Variants in JARID2 observed in about 807,000 individuals in gnomAD.
JARID2 encodes the protein jumonji and AT-rich interaction domain containing 2.
Under a neutral mutation model 125.6 loss-of-function variants are expected in JARID2, and 21 were observed. The ratio of observed to expected loss-of-function variants is 0.17; its 90% confidence interval spans 0.12 to 0.24. The LOEUF is 0.24. JARID2 is among the 10% of genes least tolerant of loss of function. The pLI is 1.00. For missense variants in JARID2, 1,303 were observed against 1,639.6 expected, an observed-to-expected ratio of 0.79 and a Z score of 3.55; for synonymous variants, 736 against 661.6, an observed-to-expected ratio of 1.11 and a Z score of -1.73.
chr6:15,349,997 A>T (rs1763370798), intron 1 of JARID2, among the ~76,000 whole-genome samples: 1 of 152,106 alleles, frequency 6.6e-6, no homozygotes, highest in African/African-American at 2.4e-5. Flanking sequence ...TGGTTAGATG[A>T]GGAAAGTTAA....
intron 1 of JARID2, among the ~76,000 whole-genome samples, chr6:15,250,421 T>C (rs960222288): frequency 6.6e-6 from 1 of 152,196 alleles, no homozygotes; most frequent in Non-Finnish European, 1.5e-5. Context: ...TTTATTGCTG[T>C]ATTTTTTCTT....
intron 1 of JARID2, among the ~76,000 whole-genome samples, chr6:15,310,086 C>T (rs1761964502): frequency 6.6e-6 from 1 of 152,108 alleles, no homozygotes; most frequent in South Asian, 2.1e-4. Flanking sequence ...GGGAGGCTTT[C>T]CCAGGTTGGC....
intron 3 of JARID2, among the ~76,000 whole-genome samples, chr6:15,421,152 T>G (rs984543098): frequency 4.5e-4 from 69 of 152,202 alleles, no homozygotes; most frequent in Admixed American, 3.2e-3. Context: ...GCCTGGACAT[T>G]CTCTCAGGGC....
intron 1 of JARID2, among the ~76,000 whole-genome samples, chr6:15,320,790 G>A (rs1037139256): frequency 1.3e-5 from 2 of 151,970 alleles, no homozygotes; most frequent in African/African-American, 4.8e-5. Flanking sequence ...GTAAATTAGA[G>A]ACCAATCTAT....
intron 1 of JARID2, among the ~76,000 whole-genome samples, chr6:15,253,196 T>C (rs972948969): frequency 1.3e-5 from 2 of 152,084 alleles, no homozygotes; most frequent in Non-Finnish European, 2.9e-5. Flanking sequence ...CCCGAGTAGC[T>C]GGGACTAACC....
chr6:15,417,901 G>T (rs1766307246), intron 3 of JARID2, among the ~76,000 whole-genome samples: 1 of 152,210 alleles, frequency 6.6e-6, no homozygotes, highest in Non-Finnish European at 1.5e-5. Flanking sequence ...TTGTTTCAGA[G>T]GGTTTTTAAT....
rs149016745 is a variant in JARID2, at chr6:15,327,877, C to T, written c.46-46240C>T. On this transcript the variant is annotated intron_variant, in intron 1 of 17. Transcript: ENST00000341776. ...ATGTCTTTTGTGAAGCGTTTTTCAT[C>T]CCCCACTTAGATGCATTTTCCGTGT... Among the ~76,000 whole-genome samples the T allele has an allele frequency of 8.6e-4, 131 of 152,242 alleles. 1 individual carries two copies. The highest frequency in any genetic ancestry group is 2.2e-3 in the Admixed American group (33 of 15,282).
intron 2 of JARID2, among the ~76,000 whole-genome samples, chr6:15,406,209 G>T (rs1046045868): frequency 5.3e-5 from 8 of 152,156 alleles, no homozygotes; most frequent in Non-Finnish European, 1.0e-4. Context: ...GCTGAGACAG[G>T]TGTATCACAA....
intron 1 of JARID2, among the ~76,000 whole-genome samples, chr6:15,354,302 A>G (rs1304047665): frequency 6.6e-6 from 1 of 152,202 alleles, no homozygotes. Flanking sequence ...TGAAAAGGGC[A>G]CGGTATTGGA....
At chr6:15,317,183 G>T (rs998860319) in intron 1 of JARID2, among the ~76,000 whole-genome samples, 1 of 152,030 alleles carries the variant, frequency 6.6e-6, no homozygotes, top group African/African-American at 2.4e-5. Flanking sequence ...ATTTCTTCCT[G>T]TCCCTCTGTG....
Position 15,510,604 on chromosome 6 carries a change from C to G in JARID2, c.2847-692C>G, listed in dbSNP as rs532747363. On this transcript the variant is annotated intron_variant, in intron 12 of 17. Coordinates refer to ENST00000341776, the MANE Select transcript of JARID2 (RefSeq NM_004973.4). ...ACCCTCTGACAGAGGCCTATGAGCC[C>G]TTGATCCTCCTGTGTGTCTTGCTGT... Among the ~76,000 whole-genome samples the G allele has an allele frequency of 6.6e-5, 10 of 152,344 alleles. No individual in the cohort carries two copies. In the East Asian group the frequency reaches 1.9e-3, roughly 29 times the overall value.
rs147968390 is a variant in JARID2, at chr6:15,509,757, T to G, written c.2846+1303T>G. ...GCCAGTGACCTCAGGCCCGAGTTTC[T>G]TCCGTGTGGGTTTGCTTATGGCTTG... is the stretch of plus-strand genomic sequence containing the variant. On this transcript the variant is annotated intron_variant, in intron 12 of 17. Transcript: ENST00000341776. 7.9e-3 allele frequency among the ~76,000 whole-genome samples: 1,207 copies of G among 152,326 alleles called. 22 individuals are homozygous for G. Among genetic ancestry groups the G allele is most frequent in the African/African-American group, 0.027 (1,131 of 41,570 alleles).
intron 1 of JARID2, among the ~76,000 whole-genome samples, chr6:15,323,143 C>G (rs886866490): frequency 1.3e-5 from 2 of 152,242 alleles, no homozygotes; most frequent in Non-Finnish European, 1.5e-5. Flanking sequence ...CTCTGTGGTA[C>G]GAAACCTCTT....
intron 1 of JARID2, among the ~76,000 whole-genome samples, chr6:15,337,583 A>C (rs1198977748): frequency 6.6e-6 from 1 of 152,188 alleles, no homozygotes; most frequent in Non-Finnish European, 1.5e-5. Flanking sequence ...CCCCTGCCCG[A>C]GGAATTCAAC....
chr6:15,517,297 G>A (rs1432542238), intron 17 of JARID2, 29 bp downstream of exon 17: 1 of 1,522,978 alleles, frequency 6.6e-7, no homozygotes, highest in Non-Finnish European at 9.1e-7. Context: ...GGTAGGGCAG[G>A]GCGGCAGCGT....
chr6:15,455,261 ATTTTT>A, intron 4 of JARID2, among the ~76,000 whole-genome samples: 1 of 149,150 alleles, frequency 6.7e-6, no homozygotes, highest in East Asian at 2.0e-4. Flanking sequence ...GTGGCTTAAA[ATTTTT>A]TTTTTTAAAT....
In JARID2 at chr6:15,520,542, TTTTTGG is replaced by T. The variant is rs1472326042; in HGVS notation, c.*297_*302del. On this transcript the variant is annotated 3_prime_UTR_variant, in exon 18 of 18. Coordinates refer to ENST00000341776, the MANE Select transcript of JARID2 (RefSeq NM_004973.4). ...GCCCCATGGCTGACAAAAGCCTTTTTTTTTGGTTTTGATTTTTTTTTTTTTGTAACT... is the reference window on the plus strand; with the variant it reads ...GCCCCATGGCTGACAAAAGCCTTTTTTTTTGATTTTTTTTTTTTTGTAACT... 8.3e-6 allele frequency: 3 copies of T among 360,960 alleles called. No individual in the cohort carries two copies. The highest frequency in any genetic ancestry group is 1.2e-4 in the East Asian group (2 of 16,768). 22.4% of individuals were successfully genotyped at this position (360,960 alleles called of 1,614,324 possible).
At position 15,450,179 on chromosome 6, in the gene JARID2, T is replaced by C. The variant is rs1244733741; in HGVS notation, c.324-1827T>C. 2.0e-5 allele frequency among the ~76,000 whole-genome samples: 3 copies of C among 152,154 alleles called. No homozygotes were observed. In the East Asian group the frequency reaches 5.8e-4, roughly 29 times the overall value. ...CTTACTTAGTTTTTTTTATTCGTTA[T>C]TATTTTTGAGACGGAGTTTCGCTCT... On this transcript the variant is annotated intron_variant, in intron 3 of 17. Transcript: ENST00000341776.
chr6:15,358,968 C>A (rs962630810), intron 1 of JARID2, among the ~76,000 whole-genome samples: 1 of 152,198 alleles, frequency 6.6e-6, no homozygotes. Context: ...AAGTGGTTTC[C>A]AGGGCGGCCA....
Sources: gnomAD v4.1 joint callset for allele counts (sites outside exome capture counted in the v4.1 genomes callset) on GRCh38, gnomAD v4.1.1 for gene constraint, MANE v1.5 for transcripts, NCBI Gene and HGNC (gene_info 2026-07-23, HGNC 2026-07-21) for gene names.